CD82: variants seen among roughly 807,000 people sequenced by gnomAD.
CD82 encodes CD82 molecule, also known as CD82 antigen.
CD82 carries 36 observed loss-of-function variants against 37.4 expected under a neutral mutation model. That is an observed-to-expected ratio of 0.96 (90% CI 0.74 to 1.27). The LOEUF is 1.27. CD82 is among the 50% of genes most tolerant of loss of function. The pLI is 0.00. For missense variants in CD82, 340 were observed against 347.0 expected, an observed-to-expected ratio of 0.98 and a Z score of 0.16; for synonymous variants, 158 against 137.4, an observed-to-expected ratio of 1.15 and a Z score of -1.05.
chr11:44,606,762 A>G (rs565716764), intron 6 of CD82: 3 of 152,306 alleles, frequency 2.0e-5, no homozygotes, highest in African/African-American at 7.2e-5. Context: ...ATGGAGAAGC[A>G]GATGCTCTGA....
intron 3 of CD82, among the ~76,000 whole-genome samples, chr11:44,595,165 C>A (rs1205460747): frequency 6.6e-6 from 1 of 152,230 alleles, no homozygotes; most frequent in Admixed American, 6.5e-5. Context: ...CCGTCCCTGT[C>A]GTGGGAAGGT....
At chr11:44,599,931 G>C (rs535509624) in intron 3 of CD82, among the ~76,000 whole-genome samples, 2 of 152,306 alleles carry the variant, frequency 1.3e-5, no homozygotes, top group South Asian at 2.1e-4. Flanking sequence ...ATGGTGGAGG[G>C]GGGCAAGATG....
At chr11:44,581,613 C>T (rs1289919015) in intron 1 of CD82, among the ~76,000 whole-genome samples, 1 of 152,176 alleles carries the variant, frequency 6.6e-6, no homozygotes, top group African/African-American at 2.4e-5. Flanking sequence ...GGGTTGGAGT[C>T]ATCTGTTTCC....
intron 1 of CD82, among the ~76,000 whole-genome samples, chr11:44,584,549 A>G (rs1248285493): frequency 1.3e-5 from 2 of 152,064 alleles, no homozygotes; most frequent in African/African-American, 4.8e-5. Context: ...CGGCCTCCCA[A>G]AGTGCTGGGA....
In CD82 at chr11:44,600,167, G is replaced by A. The variant is rs774964064; in HGVS notation, c.73G>A (p.Ala25Thr). The part of the protein sequence containing the change: ...LFNLIFFILG[A>T]VILGFGVWIL... ...TCCCTTCTCCTTCCAGATCCTGGGCGCAGTGATCCTGGGCTTCGGGGTGTG... is the reference window on the plus strand; with the variant it reads ...TCCCTTCTCCTTCCAGATCCTGGGCACAGTGATCCTGGGCTTCGGGGTGTG... The change falls in exon 4 of 10, where the codon GCA becomes ACA. Residue 25 changes from alanine (A) to threonine (T), a missense_variant. Physicochemically the swap from Ala to Thr is moderately conservative, Grantham distance 58. Coordinates refer to ENST00000227155, the MANE Select transcript of CD82 (RefSeq NM_002231.4). 3.3e-5 allele frequency: 54 copies of A among 1,613,958 alleles called. No individual in the cohort carries two copies. The highest frequency in any genetic ancestry group is 4.1e-5 in the Non-Finnish European group (48 of 1,179,956).
chr11:44,609,317 G>A (rs999589757), intron 6 of CD82, among the ~76,000 whole-genome samples: 9 of 152,232 alleles, frequency 5.9e-5, no homozygotes, highest in Non-Finnish European at 8.8e-5. Context: ...GGAGGTGGGA[G>A]GAGTGAGAAG....
chr11:44,602,974 G>A (rs1295855528), intron 4 of CD82, among the ~76,000 whole-genome samples: 3 of 152,188 alleles, frequency 2.0e-5, no homozygotes, highest in Non-Finnish European at 2.9e-5. Context: ...AGCCACAGAG[G>A]GTGGTTGCTG....
chr11:44,585,097 C>T (rs769125142), intron 1 of CD82: 3 of 425,104 alleles, frequency 7.1e-6, no homozygotes, highest in African/African-American at 2.0e-5. Context: ...GAGGCAGAGG[C>T]TCCTCCTTCC....
chr11:44,595,981 T>C (rs1388358145), intron 3 of CD82, among the ~76,000 whole-genome samples: 1 of 151,194 alleles, frequency 6.6e-6, no homozygotes, highest in African/African-American at 2.4e-5. Context: ...CACAGACATG[T>C]ACAATGTGTT....
intron 2 of CD82, among the ~76,000 whole-genome samples, chr11:44,591,687 G>A (rs1359777849): frequency 6.6e-6 from 1 of 152,212 alleles, no homozygotes; most frequent in African/African-American, 2.4e-5. Context: ...CCTCTGGTCT[G>A]CCAGGGATAG....
In CD82 at chr11:44,605,051, C is replaced by T; in HGVS notation, c.137-7C>T. On this transcript the variant is annotated splice_polypyrimidine_tract_variant and splice_region_variant and intron_variant, in intron 4 of 9. Coordinates refer to ENST00000227155, the MANE Select transcript of CD82 (RefSeq NM_002231.4). ...CCCACTGATTTTGTACTTCTTCTTC[C>T]CCCTAGAAACCTCCTCCAGCTCGCT... 1.2e-6 allele frequency: 2 copies of T among 1,614,176 alleles called. No individual in the cohort carries two copies. The highest frequency in any genetic ancestry group is 1.7e-6 in the Non-Finnish European group (2 of 1,180,030).
chr11:44,585,378 G>A (rs1213030550), intron 1 of CD82: 14 of 452,786 alleles, frequency 3.1e-5, no homozygotes, highest in Admixed American at 2.8e-4. Flanking sequence ...CCATTATTAA[G>A]TTCATTTTAC....
chr11:44,594,810 C>A, intron 3 of CD82, 85 bp downstream of exon 3: 3 of 1,149,234 alleles, frequency 2.6e-6, no homozygotes, highest in Non-Finnish European at 4.0e-6. Context: ...CCAGAGCCGA[C>A]CGGGCCGGGG....
chr11:44,579,537 C>G (rs1294624411), intron 1 of CD82, among the ~76,000 whole-genome samples: 1 of 152,122 alleles, frequency 6.6e-6, no homozygotes, highest in African/African-American at 2.4e-5. Flanking sequence ...GTGTCTTAGT[C>G]TCTCTGTCCC....
rs1351980391 is a variant in CD82 at position 44,619,436 on chromosome 11, T to A, written c.*310T>A. Reference sequence around the variant, plus strand: ...GGACTTCTACCTGCCCTCAAGGGTGTGTATATTGTATAGGGGCAACTGTAT... The same window carrying A: ...GGACTTCTACCTGCCCTCAAGGGTGAGTATATTGTATAGGGGCAACTGTAT... On this transcript the variant is annotated 3_prime_UTR_variant, in exon 10 of 10. Transcript: ENST00000227155. 3 of 380,804 alleles carry A rather than the reference T, an allele frequency of 7.9e-6. No individual in the cohort carries two copies. The highest frequency in any genetic ancestry group is 2.1e-5 in the African/African-American group (1 of 48,712). 23.6% of individuals were successfully genotyped at this position (380,804 alleles called of 1,614,324 possible).
chr11:44,567,991 G>A (rs1003572141), intron 1 of CD82, among the ~76,000 whole-genome samples: 5 of 152,218 alleles, frequency 3.3e-5, no homozygotes, highest in Admixed American at 6.5e-5. Flanking sequence ...GTTTGGGAAC[G>A]TGTGGGGATA....
chr11:44,589,903 G>C (rs1183976860), intron 2 of CD82, among the ~76,000 whole-genome samples: 1 of 151,926 alleles, frequency 6.6e-6, no homozygotes, highest in Non-Finnish European at 1.5e-5. Context: ...GCGCGATCTC[G>C]GCTCACTGCA....
chr11:44,595,217 CGTGGGGCCA>C (rs550513405), intron 3 of CD82, among the ~76,000 whole-genome samples: 274 of 152,082 alleles, frequency 1.8e-3, no homozygotes, highest in Non-Finnish European at 3.4e-3. Context: ...GGGCGCCAGG[CGTGGGGCCA>C]GTGAAGGGCA....
Position 44,605,043 on chromosome 11 carries a change from T to A in CD82, c.137-15T>A, listed in dbSNP as rs79947274. ...CTGCTGTGCCCACTGATTTTGTACT[T>A]CTTCTTCCCCCTAGAAACCTCCTCC... On this transcript the variant is annotated splice_polypyrimidine_tract_variant and intron_variant, in intron 4 of 9. Transcript: ENST00000227155. The A allele has an allele frequency of 0.013, 21,029 of 1,614,082 alleles. 203 individuals carry two copies. The highest frequency in any genetic ancestry group is 0.052 in the Middle Eastern group (317 of 6,062).
Sources: gnomAD v4.1 joint callset for allele counts (sites outside exome capture counted in the v4.1 genomes callset) on GRCh38, gnomAD v4.1.1 for gene constraint, MANE v1.5 for transcripts, NCBI Gene and HGNC (gene_info 2026-07-23, HGNC 2026-07-21) for gene names.